The following LRP1B variants were observed in gnomAD, a reference collection of about 807,000 sequenced individuals.
LRP1B encodes the protein LDL receptor related protein 1B, also known as low-density lipoprotein receptor-related protein 1B.
In LRP1B, 217 loss-of-function variants were observed where a neutral mutation model predicts 556.6. The observed-to-expected ratio is 0.39, with a 90% confidence interval of 0.35 to 0.44. The LOEUF is 0.44. Ranked by LOEUF, LRP1B falls within the 20% of genes least tolerant of loss-of-function variation. The pLI is 1.00. For missense variants in LRP1B, 5,053 were observed against 5,620.8 expected (o/e 0.90, Z 3.23); for synonymous variants, 2,047 against 1,865.8 (o/e 1.10, Z -2.50).
chr2:141,567,466 C>A, intron 2 of LRP1B, among the ~76,000 whole-genome samples: 1 of 152,166 alleles, frequency 6.6e-6, no homozygotes, highest in East Asian at 1.9e-4. Flanking sequence ...ATTTCTGTTT[C>A]CAATTCTTTT....
intron 35 of LRP1B, among the ~76,000 whole-genome samples, chr2:140,740,262 C>A (rs1688091820): frequency 1.3e-5 from 2 of 152,022 alleles, no homozygotes; most frequent in African/African-American, 2.4e-5. Flanking sequence ...TGAAACCAAC[C>A]CAAATGCCCA....
chr2:141,497,884 AT>A (rs1360795186), intron 2 of LRP1B, among the ~76,000 whole-genome samples: 1 of 151,966 alleles, frequency 6.6e-6, no homozygotes, highest in African/African-American at 2.4e-5. Context: ...AAAAAATTAT[AT>A]TTAGGATATA....
intron 32 of LRP1B, among the ~76,000 whole-genome samples, chr2:140,804,995 GT>G (rs1474707380): frequency 6.6e-6 from 1 of 152,022 alleles, no homozygotes; most frequent in Non-Finnish European, 1.5e-5. Context: ...TAAGGGTTAT[GT>G]TTGCTAAAGC....
intron 57 of LRP1B, among the ~76,000 whole-genome samples, chr2:140,488,286 T>C (rs930409756): frequency 6.6e-5 from 10 of 152,176 alleles, no homozygotes; most frequent in African/African-American, 2.4e-4. Context: ...CTGCTTCAGA[T>C]GGCCCCTTGG....
chr2:141,916,093 T>G (rs1700024031), intron 1 of LRP1B, among the ~76,000 whole-genome samples: 2 of 152,212 alleles, frequency 1.3e-5, no homozygotes, highest in African/African-American at 4.8e-5. Context: ...CAACAAAAAT[T>G]GAATCATTTT....
intron 3 of LRP1B, among the ~76,000 whole-genome samples, chr2:141,365,153 T>C (rs1437584809): frequency 6.6e-6 from 1 of 152,334 alleles, no homozygotes; most frequent in Non-Finnish European, 1.5e-5. Flanking sequence ...TCAGTTTGCT[T>C]ACAAAGTTGC....
intron 1 of LRP1B, among the ~76,000 whole-genome samples, chr2:142,089,785 G>C (rs917995135): frequency 6.6e-6 from 1 of 152,088 alleles, no homozygotes; most frequent in African/African-American, 2.4e-5. Flanking sequence ...AATTTAACTG[G>C]AATAATGAAA....
At chr2:142,099,247 T>C (rs1706487957) in intron 1 of LRP1B, among the ~76,000 whole-genome samples, 2 of 151,918 alleles carry the variant, frequency 1.3e-5, no homozygotes, top group Admixed American at 1.3e-4. Flanking sequence ...GATATTTCAA[T>C]ATACATTCTT....
At chr2:141,058,447 T>G (rs952020508) in intron 9 of LRP1B, among the ~76,000 whole-genome samples, 2 of 151,894 alleles carry the variant, frequency 1.3e-5, no homozygotes. Context: ...AAATTACTTT[T>G]TAATGAATAT....
At position 140,776,231 on chromosome 2, in the gene LRP1B, T is replaced by C; in HGVS notation, c.5367A>G (p.Lys1789=). Residue 1789 remains lysine, a synonymous_variant, in exon 33 of 91, where the codon AAA becomes AAG. Coordinates refer to ENST00000389484, the MANE Select transcript of LRP1B (RefSeq NM_018557.3). ...CTAAGTTTTGGTCTGCCCACCACAGTTTCTTATCTAGAAAAAGGAAAGATA... is the reference window on the plus strand; with the variant it reads ...CTAAGTTTTGGTCTGCCCACCACAGCTTCTTATCTAGAAAAAGGAAAGATA... ...KATALTIMDK[K]LWWADQNLAQ... The C allele has an allele frequency of 6.3e-7, 1 of 1,580,414 alleles. No individual in the cohort carries two copies. The highest frequency in any genetic ancestry group is 8.6e-7 in the Non-Finnish European group (1 of 1,165,644).
intron 7 of LRP1B, among the ~76,000 whole-genome samples, chr2:141,169,800 C>CAAAA (rs574461113): frequency 1.4e-4 from 12 of 87,374 alleles, no homozygotes; most frequent in African/African-American, 2.1e-4. Context: ...ACACCTTAAC[C>CAAAA]AAAAAAAAAA....
intron 25 of LRP1B, among the ~76,000 whole-genome samples, chr2:140,874,046 G>A (rs1324700156): frequency 6.6e-6 from 1 of 151,932 alleles, no homozygotes; most frequent in South Asian, 2.1e-4. Flanking sequence ...AAGAAACACA[G>A]ATGTTCAGAA....
intron 2 of LRP1B, among the ~76,000 whole-genome samples, chr2:141,780,926 A>T (rs1695231042): frequency 6.6e-6 from 1 of 152,056 alleles, no homozygotes; most frequent in Non-Finnish European, 1.5e-5. Context: ...AGAAGATGAG[A>T]TAGGTAGCAA....
At chr2:140,565,946 C>G (rs1457291023) in intron 43 of LRP1B, among the ~76,000 whole-genome samples, 1 of 152,142 alleles carries the variant, frequency 6.6e-6, no homozygotes. Context: ...CTCACAGGCA[C>G]GAAGCCCAGC....
intron 2 of LRP1B, among the ~76,000 whole-genome samples, chr2:141,567,426 T>G (rs973446663): frequency 1.3e-5 from 2 of 152,190 alleles, no homozygotes; most frequent in Non-Finnish European, 2.9e-5. Flanking sequence ...TATTTGTTAG[T>G]AAATCATTTT....
At chr2:141,958,269 G>A (rs1308873644) in intron 1 of LRP1B, among the ~76,000 whole-genome samples, 6 of 152,014 alleles carry the variant, frequency 3.9e-5, no homozygotes, top group African/African-American at 1.2e-4. Flanking sequence ...AGGCAGCTGG[G>A]TGGCACAGTA....
At chr2:141,064,605 A>C (rs1248145286) in intron 7 of LRP1B, among the ~76,000 whole-genome samples, 1 of 151,980 alleles carries the variant, frequency 6.6e-6, no homozygotes. Flanking sequence ...GAAATGCAAA[A>C]AATCAAAGAG....
chr2:142,026,871 C>A (rs1199781662), intron 1 of LRP1B, among the ~76,000 whole-genome samples: 5 of 151,964 alleles, frequency 3.3e-5, no homozygotes, highest in Non-Finnish European at 5.9e-5. Context: ...TTTTTCATAT[C>A]TTCTCATGGT....
At chr2:141,147,673 T>C (rs1411621848) in intron 7 of LRP1B, among the ~76,000 whole-genome samples, 1 of 152,178 alleles carries the variant, frequency 6.6e-6, no homozygotes, top group Non-Finnish European at 1.5e-5. Flanking sequence ...GAGATTTTGA[T>C]TTGAGGCACA....
Sources: allele counts gnomAD v4.1 joint callset (sites outside exome capture counted in the v4.1 genomes callset), GRCh38; gene constraint gnomAD v4.1.1; transcripts MANE v1.5; gene names NCBI Gene and HGNC (gene_info 2026-07-23, HGNC 2026-07-21).